The following ASCC3 variants were observed in gnomAD, a reference collection of about 807,000 sequenced individuals.
ASCC3 encodes the protein activating signal cointegrator 1 complex subunit 3.
In ASCC3, 158 loss-of-function variants were observed where a neutral mutation model predicts 256.3. The ratio of observed to expected loss-of-function variants is 0.62; its 90% CI spans 0.54 to 0.70. The LOEUF (loss-of-function observed/expected upper bound fraction) is 0.70, where lower values mean the gene tolerates loss of function less well. Among genes scored for constraint, ASCC3 ranks in the 30% least tolerant of loss-of-function variants. ASCC3 has a pLI of 0.00. For missense variants in ASCC3, 2,259 were observed against 2,626.0 expected, an observed-to-expected ratio of 0.86 and a Z score of 3.05; for synonymous variants, 948 against 883.4, an observed-to-expected ratio of 1.07 and a Z score of -1.30.
intron 37 of ASCC3, among the ~76,000 whole-genome samples, chr6:100,528,373 G>T (rs1774698694): frequency 6.6e-6 from 1 of 152,136 alleles, no homozygotes; most frequent in African/African-American, 2.4e-5. Flanking sequence ...AATATAGGAA[G>T]GTTGTTTGAA....
In ASCC3 at chr6:100,872,150, C is replaced by T. The variant is rs1446708799; in HGVS notation, c.-41-4112G>A. Among the ~76,000 whole-genome samples, 8 of 152,286 alleles carry T rather than the reference C, an allele frequency of 5.3e-5. No homozygotes were observed. In the East Asian group the frequency reaches 1.4e-3, roughly 26 times the overall value. On this transcript the variant is annotated intron_variant, in intron 1 of 41. Transcript: ENST00000369162. ...GTGCTTTCAAAATGTAGCATCAGAA[C>T]AAGAAACATGATGTATTAATACTGT...
At chr6:100,586,580 G>A (rs988266652) in intron 36 of ASCC3, among the ~76,000 whole-genome samples, 4 of 152,080 alleles carry the variant, frequency 2.6e-5, no homozygotes, top group Non-Finnish European at 1.5e-5. Context: ...CGCACGGTGT[G>A]CTGCACCCAC....
At chr6:100,686,201 C>G (rs239198) in intron 13 of ASCC3, among the ~76,000 whole-genome samples, 1 of 151,940 alleles carries the variant, frequency 6.6e-6, no homozygotes, top group Non-Finnish European at 1.5e-5. Context: ...AAAGCATTTA[C>G]AATAGTGTGT....
chr6:100,785,068 C>T (rs1222832888), intron 8 of ASCC3, among the ~76,000 whole-genome samples: 1 of 152,014 alleles, frequency 6.6e-6, no homozygotes, highest in Non-Finnish European at 1.5e-5. Context: ...AGTACATGGA[C>T]ACTGTTATTT....
chr6:100,725,666 G>A lies in ASCC3; in HGVS notation c.1775C>T (p.Thr592Ile). ...VTTPEKWDVV[T>I]RKSVGDVALS... ...AGCTACATCCCCAACACTCTTTCTT[G>A]TCACTACATCCCATTTTTCTGGTGT... Residue 592 changes from threonine (T) to isoleucine (I), a missense_variant, in exon 11 of 42, where the codon ACA (threonine) becomes ATA (isoleucine). Coordinates refer to ENST00000369162, the MANE Select transcript of ASCC3 (RefSeq NM_006828.4). The A allele has an allele frequency of 6.2e-7, 1 of 1,612,546 alleles. No homozygotes were observed. The highest frequency in any genetic ancestry group is 1.1e-5 in the South Asian group (1 of 91,034).
chr6:100,659,257 T>C (rs2114926948), intron 16 of ASCC3, among the ~76,000 whole-genome samples: 1 of 151,590 alleles, frequency 6.6e-6, no homozygotes, highest in Middle Eastern at 3.4e-3. Context: ...AAAAATTCAT[T>C]ACCTAAAGAA....
chr6:100,841,934 T>C (rs1420314530), intron 4 of ASCC3, among the ~76,000 whole-genome samples: 2 of 152,176 alleles, frequency 1.3e-5, no homozygotes, highest in Non-Finnish European at 2.9e-5. Flanking sequence ...AGGATCACCA[T>C]TTCCATAGAA....
chr6:100,694,133 A>C (rs1040088919), intron 13 of ASCC3, among the ~76,000 whole-genome samples: 17 of 151,898 alleles, frequency 1.1e-4, no homozygotes, highest in African/African-American at 4.1e-4. Flanking sequence ...CATTTTCCTG[A>C]ATAATATTTT....
chr6:100,589,651 G>C lies in ASCC3; in HGVS notation c.5533C>G (p.Leu1845Val). The change falls in exon 36 of 42, where the codon CTG becomes GTG. Residue 1845 changes from leucine (L) to valine (V), a missense_variant. Leu to Val is a conservative substitution (Grantham distance 32). Coordinates refer to ENST00000369162, the MANE Select transcript of ASCC3 (RefSeq NM_006828.4). ...AAACTCACACTTAGAATTGAAAGCA[G>C]TTCTTCAGTACTGCATTCAGGCTTC... The part of the protein sequence containing the change: ...RLKPECSTEE[L>V]LSILSDAEEY... 1.9e-6 allele frequency: 3 copies of C among 1,613,494 alleles called. No individual in the cohort carries two copies. The highest frequency in any genetic ancestry group is 2.5e-6 in the Non-Finnish European group (3 of 1,179,750).
intron 13 of ASCC3, among the ~76,000 whole-genome samples, chr6:100,681,704 C>A (rs1354260881): frequency 1.9e-5 from 2 of 107,846 alleles, no homozygotes; most frequent in African/African-American, 3.7e-5. Flanking sequence ...TCCAGCCTGG[C>A]AACAGAGCGA....
chr6:100,583,515 T>A lies in ASCC3; in HGVS notation c.5550+6119A>T. Among the ~76,000 whole-genome samples the A allele has an allele frequency of 1.3e-5, 2 of 152,188 alleles. 1 individual carries two copies. The highest frequency in any genetic ancestry group is 2.9e-5 in the Non-Finnish European group (2 of 68,038). On this transcript the variant is annotated intron_variant, in intron 36 of 41. Coordinates refer to ENST00000369162, the MANE Select transcript of ASCC3 (RefSeq NM_006828.4). ...TAGTCTTGCTAGTGGTCTGTCAATTTTGTTGATCCTTTCCAAAAACCAGCT... is the reference window on the plus strand; with the variant it reads ...TAGTCTTGCTAGTGGTCTGTCAATTATGTTGATCCTTTCCAAAAACCAGCT...
intron 10 of ASCC3, among the ~76,000 whole-genome samples, chr6:100,734,769 TAAGC>T (rs1780069747): frequency 2.0e-5 from 3 of 152,152 alleles, no homozygotes; most frequent in Admixed American, 6.6e-5. Context: ...AATAAAATCA[TAAGC>T]AAGGTAGTAG....
intron 14 of ASCC3, among the ~76,000 whole-genome samples, chr6:100,667,474 G>C (rs990354986): frequency 6.6e-6 from 1 of 152,100 alleles, no homozygotes; most frequent in East Asian, 1.9e-4. Flanking sequence ...AGCAGTATCA[G>C]ATTTGTTCTT....
At chr6:100,612,562 A>C (rs1040712750) in intron 30 of ASCC3, among the ~76,000 whole-genome samples, 3 of 152,046 alleles carry the variant, frequency 2.0e-5, no homozygotes, top group African/African-American at 7.2e-5. Flanking sequence ...AAAGTTCTGA[A>C]GTTTTATTTT....
At chr6:100,676,008 T>C (rs1776989007) in intron 14 of ASCC3, among the ~76,000 whole-genome samples, 2 of 152,186 alleles carry the variant, frequency 1.3e-5, no homozygotes, top group South Asian at 2.1e-4. Context: ...TTTAATTATA[T>C]ACTTAATTTT....
In ASCC3 at chr6:100,740,820, C is replaced by T. The variant is rs546726901; in HGVS notation, c.1738-15117G>A. 3.1e-4 allele frequency among the ~76,000 whole-genome samples: 47 copies of T among 152,322 alleles called. No homozygotes were observed. The South Asian group carries it at 9.5e-3, about 31-fold the overall frequency. On this transcript the variant is annotated intron_variant, in intron 10 of 41. Coordinates refer to ENST00000369162, the MANE Select transcript of ASCC3 (RefSeq NM_006828.4). ...GCCTATGATATGGGTCTCTTCAAAA[C>T]AGCAGACTGATGGATCTTGGCTCTT...
At chr6:100,716,288 T>C (rs181606728) in intron 12 of ASCC3, among the ~76,000 whole-genome samples, 10 of 151,950 alleles carry the variant, frequency 6.6e-5, no homozygotes, top group African/African-American at 2.4e-4. Flanking sequence ...AAATCTACTA[T>C]GTATCAATTT....
intron 2 of ASCC3, among the ~76,000 whole-genome samples, chr6:100,865,753 T>C (rs1773445771): frequency 6.6e-6 from 1 of 151,984 alleles, no homozygotes; most frequent in Non-Finnish European, 1.5e-5. Flanking sequence ...ATGATGTTTT[T>C]CAAAAAAAAG....
At chr6:100,739,741 T>G (rs537641376) in intron 10 of ASCC3, among the ~76,000 whole-genome samples, 35 of 152,338 alleles carry the variant, frequency 2.3e-4, no homozygotes, top group African/African-American at 8.2e-4. Flanking sequence ...TTTATAGTAT[T>G]CTGTGGTGGC....
Sources: gnomAD v4.1 joint callset for allele counts (sites outside exome capture counted in the v4.1 genomes callset) on GRCh38, gnomAD v4.1.1 for gene constraint, MANE v1.5 for transcripts, NCBI Gene and HGNC (gene_info 2026-07-23, HGNC 2026-07-21) for gene names.